The following FBXO21 variants were observed in gnomAD, a reference collection of about 807,000 sequenced individuals.
FBXO21 encodes F-box only protein 21.
In FBXO21, 32 loss-of-function variants were observed where a neutral mutation model predicts 76.6. That is an observed-to-expected ratio of 0.42 (90% confidence interval 0.32 to 0.56). The LOEUF is 0.56. FBXO21 is among the 20% of genes least tolerant of loss of function. The pLI, the probability that FBXO21 is intolerant of heterozygous loss-of-function variation, is 0.16. For missense variants in FBXO21, 586 were observed against 797.3 expected (o/e 0.73, Z 3.19); for synonymous variants, 328 against 311.5 (o/e 1.05, Z -0.56).
chr12:117,156,703 T>C (rs1196323873), intron 10 of FBXO21, among the ~76,000 whole-genome samples: 1 of 152,200 alleles, frequency 6.6e-6, no homozygotes, highest in Non-Finnish European at 1.5e-5. Flanking sequence ...TGGTTCCTTA[T>C]AGTCCTTTCT....
chr12:117,154,319 C>T (rs1338993132), intron 11 of FBXO21: 1 of 152,238 alleles, frequency 6.6e-6, no homozygotes. Context: ...TTTCAACAAA[C>T]ATTTATCTTG....
chr12:117,165,130 C>A (rs1168479362), intron 9 of FBXO21, among the ~76,000 whole-genome samples: 1 of 152,162 alleles, frequency 6.6e-6, no homozygotes, highest in African/African-American at 2.4e-5. Context: ...AATGTAGTTG[C>A]TAACAGTACA....
intron 9 of FBXO21, among the ~76,000 whole-genome samples, chr12:117,160,539 T>C (rs1422490789): frequency 2.0e-5 from 3 of 151,940 alleles, no homozygotes; most frequent in East Asian, 3.9e-4. Context: ...GCTCTCCAAA[T>C]ACCTACTTTC....
At position 117,168,919 on chromosome 12, in the gene FBXO21, TCC is replaced by T. The variant is rs1165044083; in HGVS notation, c.1014-1844_1014-1843del. ...CCATTGTGGAAGAGAGTGTGGTGAT[TCC>T]TCAAAGGCCTGAAGACAGCTAAACC... is the stretch of plus-strand genomic sequence containing the variant. On this transcript the variant is annotated intron_variant, in intron 7 of 11. Transcript: ENST00000622495. Among the ~76,000 whole-genome samples the T allele has an allele frequency of 3.9e-5, 6 of 152,280 alleles. No homozygotes were observed. In the East Asian group the frequency reaches 1.2e-3, roughly 29 times the overall value.
At chr12:117,171,869 G>A (rs1956121513) in intron 7 of FBXO21, among the ~76,000 whole-genome samples, 2 of 152,130 alleles carry the variant, frequency 1.3e-5, no homozygotes, top group South Asian at 2.1e-4. Context: ...AACTGAAAAT[G>A]AGCTTTTTGC....
In FBXO21 at chr12:117,144,299, C is replaced by G. The variant is rs1955744365; in HGVS notation, c.*1788G>C. 6.6e-6 allele frequency: 1 copy of G among 152,206 alleles called. No homozygotes were observed. Among genetic ancestry groups the G allele is most frequent in the African/African-American group, 2.4e-5 (1 of 41,458 alleles). The allele number at this position is 152,206 out of a possible 1,614,324, so 9.4% of individuals were successfully genotyped here. On this transcript the variant is annotated 3_prime_UTR_variant, in exon 12 of 12. Coordinates refer to ENST00000622495, the MANE Select transcript of FBXO21 (RefSeq NM_015002.3). ...CCTTTAAATGAAAGTAGTGTACAAT[C>G]CTCCCAACCTTGGCGGGCCAGGTGC...
At chr12:117,157,838 C>T (rs377733136) in intron 10 of FBXO21, 35 bp downstream of exon 10, 203 of 1,534,840 alleles carry the variant, frequency 1.3e-4, no homozygotes, top group South Asian at 3.5e-4. Flanking sequence ...CCCTCTGGAA[C>T]GGACACTGCA....
At chr12:117,166,577 T>C (rs564187660) in intron 8 of FBXO21, among the ~76,000 whole-genome samples, 1 of 152,376 alleles carries the variant, frequency 6.6e-6, no homozygotes, top group East Asian at 1.9e-4. Flanking sequence ...TCTACAACTT[T>C]CTACTTTCCC....
chr12:117,186,860 T>C (rs1592899719), intron 2 of FBXO21, among the ~76,000 whole-genome samples: 1 of 152,182 alleles, frequency 6.6e-6, no homozygotes, highest in Non-Finnish European at 1.5e-5. Flanking sequence ...GCCATAGTGG[T>C]TCATGACTGT....
chr12:117,190,298 G>A lies in FBXO21; in HGVS notation c.159C>T (p.Gly53=), dbSNP rs1295184008. ...GCCGCCGGCAGGTGCTGGAGACACG[G>A]CCGATGTCGGCGGCCGTCAGCGAGC... ...CCGSLTAADI[G]RVSSTCRRLR... is the part of the protein sequence containing the mutation. The change falls in exon 1 of 12, where the codon GGC becomes GGT. Residue 53 remains glycine, a synonymous_variant. Coordinates refer to ENST00000622495, the MANE Select transcript of FBXO21 (RefSeq NM_015002.3). 2.0e-6 allele frequency: 3 copies of A among 1,532,700 alleles called. No homozygotes were observed. Among genetic ancestry groups the A allele is most frequent in the Admixed American group, 2.0e-5 (1 of 50,502 alleles). The allele number at this position is 1,532,700 out of a possible 1,614,324, so 94.9% of individuals were successfully genotyped here. A position where few individuals can be genotyped will look rare whatever the true frequency, so the allele number is the denominator to read the frequency against.
At chr12:117,181,870 C>T (rs1484726024) in intron 3 of FBXO21, among the ~76,000 whole-genome samples, 1 of 152,130 alleles carries the variant, frequency 6.6e-6, no homozygotes, top group African/African-American at 2.4e-5. Context: ...AGGCTGGTCT[C>T]GAACTCCTGA....
At chr12:117,188,245 A>C (rs1956304734) in intron 2 of FBXO21, among the ~76,000 whole-genome samples, 1 of 152,234 alleles carries the variant, frequency 6.6e-6, no homozygotes, top group African/African-American at 2.4e-5. Flanking sequence ...TCAGGGGCAG[A>C]TACAGAAACT....
In FBXO21 at chr12:117,149,607, G is replaced by A. The variant is rs563167546; in HGVS notation, c.1676-3330C>T. Among the ~76,000 whole-genome samples the A allele has an allele frequency of 3.3e-5, 5 of 152,302 alleles. 1 individual carries two copies. The South Asian group carries it at 1.0e-3, about 32-fold the overall frequency. The stretch of plus-strand genomic sequence containing the variant: ...CCAGCTTGCAGTGGGTGGAGGCCAG[G>A]GGTGCTGCTAAGTACCCTACAACGC... On this transcript the variant is annotated intron_variant, in intron 11 of 11. Transcript: ENST00000622495.
At chr12:117,165,063 C>G (rs1956036531) in intron 9 of FBXO21, among the ~76,000 whole-genome samples, 1 of 152,220 alleles carries the variant, frequency 6.6e-6, no homozygotes, top group Non-Finnish European at 1.5e-5. Context: ...AGTGGCTGGA[C>G]TTGAACATAT....
intron 2 of FBXO21, among the ~76,000 whole-genome samples, 187 bp from the exon 3 acceptor site, chr12:117,186,758 G>C (rs778306493): frequency 6.6e-6 from 1 of 152,174 alleles, no homozygotes; most frequent in South Asian, 2.1e-4. Flanking sequence ...CTGAGGTTTT[G>C]TTGTTGTTTG....
At chr12:117,179,036 TAAG>T (rs1001030410) in intron 3 of FBXO21, among the ~76,000 whole-genome samples, 3 of 152,316 alleles carry the variant, frequency 2.0e-5, no homozygotes, top group Admixed American at 6.5e-5. Context: ...ATGGGGATTA[TAAG>T]AAGCAGGAGA....
chr12:117,143,318 G>C lies in FBXO21; in HGVS notation c.*2769C>G, dbSNP rs1406469048. ...CACAGTACTGTGCGTCACAGGTATTGAGAAACACCACCATAGAGTCAATTG... is the reference window on the plus strand; with the variant it reads ...CACAGTACTGTGCGTCACAGGTATTCAGAAACACCACCATAGAGTCAATTG... On this transcript the variant is annotated 3_prime_UTR_variant, in exon 12 of 12. Coordinates refer to ENST00000622495, the MANE Select transcript of FBXO21 (RefSeq NM_015002.3). The C allele has an allele frequency of 1.3e-5, 2 of 152,140 alleles. No individual in the cohort carries two copies. Among genetic ancestry groups the C allele is most frequent in the African/African-American group, 4.8e-5 (2 of 41,428 alleles). The allele number at this position is 152,140 out of a possible 1,614,324, so 9.4% of individuals were successfully genotyped here.
In FBXO21 at chr12:117,174,168, T is replaced by C. The variant is rs751616266; in HGVS notation, c.876+37A>G. ...CAGAAAAAAAAAGTTACTATACCTA[T>C]ATTACTATACCCATATATTACTGTA... On this transcript the variant is annotated intron_variant, in intron 6 of 11. Transcript: ENST00000622495. 8.5e-5 allele frequency: 130 copies of C among 1,528,834 alleles called. No individual in the cohort carries two copies. The Middle Eastern group carries it at 8.5e-4, about 10-fold the overall frequency. The allele number at this position is 1,528,834 out of a possible 1,614,324, so 94.7% of individuals were successfully genotyped here.
chr12:117,186,658 T>A, intron 2 of FBXO21, 87 bp from the exon 3 acceptor site: 1 of 802,680 alleles, frequency 1.2e-6, no homozygotes, highest in Non-Finnish European at 2.1e-6. Flanking sequence ...AATAAAGATG[T>A]CCACTACTAA....
Sources: gnomAD v4.1 joint callset for allele counts (sites outside exome capture counted in the v4.1 genomes callset) on GRCh38, gnomAD v4.1.1 for gene constraint, MANE v1.5 for transcripts, NCBI Gene and HGNC (gene_info 2026-07-23, HGNC 2026-07-21) for gene names.